Variants in VEPH1 observed in about 807,000 individuals in gnomAD.
The protein encoded by VEPH1 is ventricular zone-expressed PH domain-containing protein homolog 1.
In VEPH1, 80 loss-of-function variants were observed where a neutral mutation model predicts 85.2. The observed-to-expected ratio is 0.94, with a 90% CI of 0.78 to 1.13. VEPH1 has a LOEUF of 1.13. Among genes scored for constraint, VEPH1 ranks in the 50% most tolerant of loss-of-function variants. The pLI is 0.00. For missense variants in VEPH1, 955 were observed against 980.5 expected (o/e 0.97, Z 0.35); for synonymous variants, 297 against 348.0 (o/e 0.85, Z 1.63).
At chr3:157,345,491 C>T (rs1008842240) in intron 9 of VEPH1, among the ~76,000 whole-genome samples, 1 of 152,198 alleles carries the variant, frequency 6.6e-6, no homozygotes, top group African/African-American at 2.4e-5. Flanking sequence ...TATCATCTCA[C>T]ACCAGTTAGA....
At chr3:157,285,561 T>C (rs976585366) in intron 12 of VEPH1, among the ~76,000 whole-genome samples, 1 of 152,246 alleles carries the variant, frequency 6.6e-6, no homozygotes, top group Non-Finnish European at 1.5e-5. Context: ...ATGGCTCATC[T>C]ACAAAGTGGC....
At chr3:157,286,387 C>T (rs1172558794) in intron 12 of VEPH1, 170 bp downstream of exon 12, 10 of 643,992 alleles carry the variant, frequency 1.6e-5, no homozygotes, top group South Asian at 7.5e-5. Flanking sequence ...CTTTTTCCTA[C>T]GACCACTTTG....
At chr3:157,413,795 C>T in intron 6 of VEPH1, 86 bp downstream of exon 6, 7 of 1,447,470 alleles carry the variant, frequency 4.8e-6, no homozygotes, top group African/African-American at 1.4e-5. Flanking sequence ...GACAAATTTG[C>T]ACGTCATAAT....
rs562849196 is a variant in VEPH1 at position 157,440,448 on chromosome 3, G to T, written c.530-11960C>A. ...ACTTTTACATGGATGTTTGGTTTCT[G>T]CAAGTTCTTTCTCTTTACCAGTTAT... On this transcript the variant is annotated intron_variant, in intron 4 of 13. Coordinates refer to ENST00000362010, the MANE Select transcript of VEPH1 (RefSeq NM_001167912.2). Among the ~76,000 whole-genome samples, 3 of 152,190 alleles carry T rather than the reference G, an allele frequency of 2.0e-5. No homozygotes were observed. In the East Asian group the frequency reaches 5.8e-4, roughly 29 times the overall value.
intron 9 of VEPH1, among the ~76,000 whole-genome samples, chr3:157,359,242 CAT>C (rs929161710): frequency 1.3e-5 from 2 of 152,152 alleles, no homozygotes; most frequent in African/African-American, 4.8e-5. Context: ...ATTACAATAT[CAT>C]GTGTGTGTTT....
At chr3:157,379,176 A>G (rs1190347252) in intron 7 of VEPH1, among the ~76,000 whole-genome samples, 1 of 152,248 alleles carries the variant, frequency 6.6e-6, no homozygotes, top group East Asian at 1.9e-4. Context: ...CTTCTAACAC[A>G]GCATGAAAGG....
intron 12 of VEPH1, among the ~76,000 whole-genome samples, chr3:157,269,578 A>C (rs1318903382): frequency 2.0e-5 from 3 of 151,956 alleles, no homozygotes; most frequent in African/African-American, 7.3e-5. Flanking sequence ...AAACAAAACA[A>C]AATTTTTATA....
chr3:157,419,794 C>T (rs1348740598), intron 5 of VEPH1, among the ~76,000 whole-genome samples: 2 of 152,148 alleles, frequency 1.3e-5, no homozygotes, highest in East Asian at 1.9e-4. Context: ...ACCAGAAATA[C>T]CATTTGACCC....
intron 4 of VEPH1, among the ~76,000 whole-genome samples, chr3:157,453,135 G>C (rs1328430477): frequency 6.6e-6 from 1 of 152,180 alleles, no homozygotes; most frequent in Non-Finnish European, 1.5e-5. Context: ...ATGTGAGCTG[G>C]AAGCTGTAGA....
chr3:157,381,104 AC>A, intron 7 of VEPH1, 51 bp downstream of exon 7: 1 of 1,582,908 alleles, frequency 6.3e-7, no homozygotes, highest in African/African-American at 1.3e-5. Context: ...TCTGCATTCT[AC>A]CCCCACAGGT....
At chr3:157,319,530 A>T (rs1489382629) in intron 9 of VEPH1, among the ~76,000 whole-genome samples, 1 of 152,248 alleles carries the variant, frequency 6.6e-6, no homozygotes, top group Non-Finnish European at 1.5e-5. Context: ...TCTCAAGAGC[A>T]CATACAAAAA....
intron 4 of VEPH1, among the ~76,000 whole-genome samples, chr3:157,450,756 G>A (rs945292593): frequency 3.3e-5 from 5 of 152,056 alleles, no homozygotes; most frequent in Non-Finnish European, 5.9e-5. Flanking sequence ...GTCTTTTGCA[G>A]TGTGGAATTA....
rs76517202 is a variant in VEPH1, at chr3:157,428,735, T to C, written c.530-247A>G. ...ACTAATGAAAAATTTTGCTAAGTAA[T>C]GCACCATGGGGATAGAGGAACTTTG... On this transcript the variant is annotated intron_variant, in intron 4 of 13. Coordinates refer to ENST00000362010, the MANE Select transcript of VEPH1 (RefSeq NM_001167912.2). Among the ~76,000 whole-genome samples, 1,259 of 152,272 alleles carry C rather than the reference T, an allele frequency of 8.3e-3. 16 individuals are homozygous for C. The highest frequency in any genetic ancestry group is 0.029 in the African/African-American group (1,186 of 41,548).
chr3:157,275,764 T>A (rs1364418503), intron 12 of VEPH1, among the ~76,000 whole-genome samples: 1 of 152,178 alleles, frequency 6.6e-6, no homozygotes, highest in African/African-American at 2.4e-5. Context: ...TTCTGGGAAT[T>A]ATGAATCCTA....
intron 11 of VEPH1, among the ~76,000 whole-genome samples, chr3:157,304,979 T>A (rs376038635): frequency 6.6e-6 from 1 of 151,830 alleles, no homozygotes. Flanking sequence ...TGGTTAATAT[T>A]TTTTGTTCTC....
chr3:157,440,647 C>A (rs1158580259), intron 4 of VEPH1, among the ~76,000 whole-genome samples: 1 of 151,442 alleles, frequency 6.6e-6, no homozygotes, highest in African/African-American at 2.4e-5. Context: ...CATACATATC[C>A]ATATGTATAT....
chr3:157,413,521 C>T (rs2109032522), intron 6 of VEPH1: 1 of 985,344 alleles, frequency 1.0e-6, no homozygotes, highest in East Asian at 1.1e-4. Context: ...GTTGTTGTTA[C>T]TGCAAAGTGG....
chr3:157,455,542 TGTTA>T (rs1161484706), intron 4 of VEPH1, among the ~76,000 whole-genome samples: 2 of 152,062 alleles, frequency 1.3e-5, no homozygotes, highest in South Asian at 2.1e-4. Context: ...GCCCAGTACC[TGTTA>T]GTTATTTTTC....
intron 12 of VEPH1, among the ~76,000 whole-genome samples, chr3:157,273,511 A>G (rs1714980111): frequency 6.6e-6 from 1 of 152,204 alleles, no homozygotes; most frequent in South Asian, 2.1e-4. Context: ...AGGCAAAGGA[A>G]GGAAGGTCAT....
Sources: gnomAD v4.1 joint callset for allele counts (sites outside exome capture counted in the v4.1 genomes callset) on GRCh38, gnomAD v4.1.1 for gene constraint, MANE v1.5 for transcripts, NCBI Gene and HGNC (gene_info 2026-07-23, HGNC 2026-07-21) for gene names.